The following AARS1 variants were observed in gnomAD, a reference collection of about 807,000 sequenced individuals.
AARS1 encodes alanine--tRNA ligase, cytoplasmic.
Under a neutral mutation model 108.9 loss-of-function variants are expected in AARS1, and 72 were observed. The observed-to-expected ratio is 0.66, with a 90% CI of 0.55 to 0.80. The LOEUF (loss-of-function observed/expected upper bound fraction) is 0.80. Among genes scored for constraint, AARS1 ranks in the 30% least tolerant of loss-of-function variants. The probability of loss-of-function intolerance (pLI) is 0.00; values close to 1 mark genes in which losing one functional copy is unlikely to be tolerated. For missense variants in AARS1, 1,193 were observed against 1,233.2 expected (o/e 0.97, Z 0.49); for synonymous variants, 489 against 465.7 (o/e 1.05, Z -0.64).
intron 16 of AARS1, among the ~76,000 whole-genome samples, chr16:70,255,112 G>A (rs113030826): frequency 2.0e-5 from 3 of 152,016 alleles, no homozygotes; most frequent in African/African-American, 7.2e-5. Flanking sequence ...ATGGATCAGC[G>A]CTGGGGGCCC....
At chr16:70,277,739 A>G (rs1430829595) in intron 2 of AARS1, among the ~76,000 whole-genome samples, 1 of 147,312 alleles carries the variant, frequency 6.8e-6, no homozygotes, top group Non-Finnish European at 1.5e-5. Context: ...CTGCTATCCA[A>G]TTTGGTAGCC....
intron 1 of AARS1, among the ~76,000 whole-genome samples, chr16:70,283,574 A>C (rs1960762235): frequency 6.6e-6 from 1 of 152,172 alleles, no homozygotes; most frequent in Non-Finnish European, 1.5e-5. Flanking sequence ...TTATCTCTAA[A>C]GATCCCTTCA....
intron 1 of AARS1, among the ~76,000 whole-genome samples, chr16:70,283,330 G>A (rs1960752655): frequency 6.6e-6 from 1 of 151,936 alleles, no homozygotes; most frequent in African/African-American, 2.4e-5. Flanking sequence ...CCAGGAGGTG[G>A]AGGTTGCAGT....
intron 10 of AARS1, 154 bp from the exon 11 acceptor site, chr16:70,265,256 T>C (rs1567605777): frequency 1.8e-6 from 2 of 1,081,492 alleles, no homozygotes; most frequent in Non-Finnish European, 1.4e-6. Flanking sequence ...TCATTCTCTG[T>C]TGTGGAAACT....
Position 70,253,676 on chromosome 16 carries a change from A to C in AARS1, c.2607+38T>G, listed in dbSNP as rs371353342. On this transcript the variant is annotated intron_variant, in intron 19 of 20. Transcript: ENST00000261772. Reference sequence around the variant, plus strand: ...CCACATGTCAGCCACCAGAGAGCTGATGAGCCCTAGGGGAGGGGACCCTGG... The same window carrying C: ...CCACATGTCAGCCACCAGAGAGCTGCTGAGCCCTAGGGGAGGGGACCCTGG... The C allele has an allele frequency of 8.7e-6, 14 of 1,604,398 alleles. No homozygotes were observed. In the African/African-American group the frequency reaches 1.9e-4, roughly 21 times the overall value.
chr16:70,260,447 C>T (rs1372737607), intron 13 of AARS1, among the ~76,000 whole-genome samples: 2 of 152,150 alleles, frequency 1.3e-5, no homozygotes, highest in South Asian at 2.1e-4. Context: ...CCAGAGCCTA[C>T]CTCTTCATTC....
intron 11 of AARS1, among the ~76,000 whole-genome samples, chr16:70,262,976 A>G (rs1412122852): frequency 7.1e-6 from 1 of 140,170 alleles, no homozygotes; most frequent in East Asian, 2.1e-4. Context: ...TCAAAAAAAA[A>G]AAAAAAAAAA....
intron 5 of AARS1, among the ~76,000 whole-genome samples, chr16:70,271,057 CAGG>C (rs1197327548): frequency 6.6e-6 from 1 of 151,948 alleles, no homozygotes; most frequent in African/African-American, 2.4e-5. Context: ...GAGGCTGAGG[CAGG>C]AGAACTCAGC....
At position 70,277,052 on chromosome 16, in the gene AARS1, T is replaced by C; in HGVS notation, c.247A>G (p.Asn83Asp). 1 of 1,614,162 alleles carries C rather than the reference T, an allele frequency of 6.2e-7. No individual in the cohort carries two copies. Among genetic ancestry groups the C allele is most frequent in the Non-Finnish European group, 8.5e-7 (1 of 1,180,036 alleles). Residue 83 changes from asparagine to aspartate, a missense_variant, in exon 3 of 21, where the codon AAT becomes GAT. Coordinates refer to ENST00000261772, the MANE Select transcript of AARS1 (RefSeq NM_001605.3). Reference protein sequence around the residue: ...QKCIRAGGKHNDLDDVGKDVY... With the variant: ...QKCIRAGGKHDDLDDVGKDVY... Reference sequence around the variant, plus strand: ...TCCTTGCCCACATCGTCCAGGTCATTATGTTTGCCCCCAGCCCGGATGCAC... The same window carrying C: ...TCCTTGCCCACATCGTCCAGGTCATCATGTTTGCCCCCAGCCCGGATGCAC...
At chr16:70,261,283 C>CTAA in intron 12 of AARS1, 126 bp from the exon 13 acceptor site, 3 of 673,348 alleles carry the variant, frequency 4.5e-6, no homozygotes, top group Non-Finnish European at 7.9e-6. Context: ...CACACACATA[C>CTAA]TCCCTTAATA....
At chr16:70,262,987 A>AAAAAAC (rs1960176124) in intron 11 of AARS1, among the ~76,000 whole-genome samples, 2 of 147,392 alleles carry the variant, frequency 1.4e-5, no homozygotes, top group Non-Finnish European at 3.0e-5. Context: ...AAAAAAAAAA[A>AAAAAAC]AAAAAAAAAA....
chr16:70,272,662 G>C (rs1298942126), intron 4 of AARS1, among the ~76,000 whole-genome samples: 1 of 151,684 alleles, frequency 6.6e-6, no homozygotes, highest in Non-Finnish European at 1.5e-5. Flanking sequence ...GCCTAGAAAG[G>C]AACACATAAT....
chr16:70,268,256 G>T lies in AARS1; in HGVS notation c.1071+15C>A, dbSNP rs1310673800. On this transcript the variant is annotated intron_variant, in intron 8 of 20. Coordinates refer to ENST00000261772, the MANE Select transcript of AARS1 (RefSeq NM_001605.3). ...CTGCTTTAGCACAGAAGGGTAAGCAGAGAAATAAACCTACCAGGGACTGGA... is the reference window on the plus strand; with the variant it reads ...CTGCTTTAGCACAGAAGGGTAAGCATAGAAATAAACCTACCAGGGACTGGA... The T allele has an allele frequency of 5.6e-6, 9 of 1,609,918 alleles. No homozygotes were observed. In the African/African-American group the frequency reaches 1.2e-4, roughly 22 times the overall value.
intron 9 of AARS1, among the ~76,000 whole-genome samples, chr16:70,266,820 C>A (rs114598544): frequency 0.012 from 1,790 of 151,648 alleles, 29 homozygotes; most frequent in African/African-American, 0.041. Flanking sequence ...CTGTGCCCAG[C>A]CTTACACATC....
intron 4 of AARS1, among the ~76,000 whole-genome samples, chr16:70,274,919 TAA>T (rs2152165598): frequency 6.6e-6 from 1 of 151,406 alleles, no homozygotes; most frequent in South Asian, 2.1e-4. Flanking sequence ...GTGTAACTTT[TAA>T]AACTATATAA....
rs1248011655 is a variant in AARS1 at position 70,282,830 on chromosome 16, T to C, written c.-21-46A>G. ...GAAGGAAAATTAAGGGAATTGAAAG[T>C]CAAAGTACACATTACACAAGACTTC... On this transcript the variant is annotated intron_variant, in intron 1 of 20. Coordinates refer to ENST00000261772, the MANE Select transcript of AARS1 (RefSeq NM_001605.3). The C allele has an allele frequency of 5.1e-6, 8 of 1,581,626 alleles. No homozygotes were observed. The East Asian group carries it at 1.8e-4, about 35-fold the overall frequency.
chr16:70,268,295 T>C lies in AARS1; in HGVS notation c.1047A>G (p.Leu349=). Reference sequence around the variant, plus strand: ...CCAGGGACTGGACGACAACATCCACTAACGTAGCAAAGAAGCCCCTGCTGG... The same window carrying C: ...CCAGGGACTGGACGACAACATCCACCAACGTAGCAAAGAAGCCCCTGCTGG... ...LNASRGFFAT[L]VDVVVQSLGD... Residue 349 remains leucine (L), a synonymous_variant, in exon 8 of 21, where the codon TTA becomes TTG. Coordinates refer to ENST00000261772, the MANE Select transcript of AARS1 (RefSeq NM_001605.3). The C allele has an allele frequency of 1.2e-6, 2 of 1,614,092 alleles. No individual in the cohort carries two copies. The highest frequency in any genetic ancestry group is 2.2e-5 in the South Asian group (2 of 91,076).
At chr16:70,259,576 G>A (rs963805917) in intron 13 of AARS1, among the ~76,000 whole-genome samples, 4 of 151,980 alleles carry the variant, frequency 2.6e-5, no homozygotes, top group African/African-American at 9.7e-5. Flanking sequence ...TCAAACTCCT[G>A]GGCTCAAGTG....
At position 70,269,868 on chromosome 16, in the gene AARS1, C is replaced by T. The variant is rs570022783; in HGVS notation, c.817-105G>A. On this transcript the variant is annotated intron_variant, in intron 6 of 20. Transcript: ENST00000261772. ...TTGAGGAGCATTAGCAGAAAGGATG[C>T]CGGTCTTGCCAGATCCTATAACCCC... 9 of 1,454,292 alleles carry T rather than the reference C, an allele frequency of 6.2e-6. No homozygotes were observed. In the South Asian group the frequency reaches 6.9e-5, roughly 11 times the overall value. 90.1% of individuals were successfully genotyped at this position (1,454,292 alleles called of 1,614,324 possible). A position where few individuals can be genotyped will look rare whatever the true frequency, so the allele number is the denominator to read the frequency against.
Sources: allele counts gnomAD v4.1 joint callset (sites outside exome capture counted in the v4.1 genomes callset), GRCh38; gene constraint gnomAD v4.1.1; transcripts MANE v1.5; gene names NCBI Gene and HGNC (gene_info 2026-07-23, HGNC 2026-07-21).